CEP95: variants seen among roughly 807,000 people sequenced by gnomAD.
The protein encoded by CEP95 is centrosomal protein 95.
A neutral mutation model predicts 111.2 loss-of-function variants in CEP95; 98 were observed. The ratio of observed to expected loss-of-function variants is 0.88; its 90% CI spans 0.75 to 1.04. The LOEUF (loss-of-function observed/expected upper bound fraction) is 1.04. Ranked by LOEUF, CEP95 falls within the 50% of genes least tolerant of loss-of-function variation. The pLI, the probability that CEP95 is intolerant of heterozygous loss-of-function variation, is 0.00. For missense variants in CEP95, 1,027 were observed against 977.2 expected (o/e 1.05, Z -0.68); for synonymous variants, 323 against 327.1 (o/e 0.99, Z 0.14).
Position 64,525,776 on chromosome 17 carries a change from G to A in CEP95, c.916G>A (p.Asp306Asn), listed in dbSNP as rs782598205. 1.9e-6 allele frequency: 3 copies of A among 1,600,866 alleles called. No individual in the cohort carries two copies. The highest frequency in any genetic ancestry group is 2.2e-5 in the East Asian group (1 of 44,678). Residue 306 changes from aspartate to asparagine, a missense_variant, in exon 9 of 20, where the codon GAT becomes AAT. By Grantham distance (23) the Asp-to-Asn change is conservative. Coordinates refer to ENST00000556440, the MANE Select transcript of CEP95 (RefSeq NM_138363.3). ...GEHTEFSGDL[D>N]DGLFLISKLP... ...TTTTTTCTGTTTTTAATAGGATCTA[G>A]ATGATGGACTTTTCTTAATTTCCAA...
In CEP95 at chr17:64,532,723, A is replaced by T. The variant is rs1185182401; in HGVS notation, c.1673-116A>T. The T allele has an allele frequency of 1.9e-5, 28 of 1,462,012 alleles. No homozygotes were observed. The East Asian group carries it at 6.7e-4, about 35-fold the overall frequency. The allele number at this position is 1,462,012 out of a possible 1,614,324, so 90.6% of individuals were successfully genotyped here. A position where few individuals can be genotyped will look rare whatever the true frequency, so the allele number is the denominator to read the frequency against. The stretch of plus-strand genomic sequence containing the variant: ...GCAAATTATTATAAGTACATTTAGA[A>T]TTGTTCTTTTCAGGATCAAAACCAC... On this transcript the variant is annotated intron_variant, in intron 14 of 19. Transcript: ENST00000556440.
intron 3 of CEP95, among the ~76,000 whole-genome samples, chr17:64,511,454 TCC>T (rs1224072268): frequency 2.0e-5 from 3 of 152,182 alleles, no homozygotes; most frequent in African/African-American, 7.2e-5. Flanking sequence ...GCGATATTTC[TCC>T]CATTTGCTTT....
intron 3 of CEP95, among the ~76,000 whole-genome samples, chr17:64,510,687 C>T (rs921146144): frequency 6.6e-6 from 1 of 152,314 alleles, no homozygotes; most frequent in East Asian, 1.9e-4. Context: ...GTAGCCGGGG[C>T]TACAGGTGTG....
At chr17:64,519,606 G>T (rs564386957) in intron 6 of CEP95, among the ~76,000 whole-genome samples, 170 bp downstream of exon 6, 1 of 152,138 alleles carries the variant, frequency 6.6e-6, no homozygotes, top group East Asian at 1.9e-4. Flanking sequence ...ATCTGAAGTC[G>T]CAGGCATATG....
intron 3 of CEP95, among the ~76,000 whole-genome samples, chr17:64,511,104 G>A (rs1555674773): frequency 6.6e-6 from 1 of 152,098 alleles, no homozygotes; most frequent in Non-Finnish European, 1.5e-5. Flanking sequence ...TACTTCACAA[G>A]GTAATAGAAT....
intron 5 of CEP95, among the ~76,000 whole-genome samples, chr17:64,518,774 A>G (rs1967081525): frequency 2.0e-5 from 3 of 151,782 alleles, no homozygotes; most frequent in Admixed American, 1.3e-4. Flanking sequence ...TCTGCCTCCC[A>G]GGTTCAAGCA....
intron 19 of CEP95, chr17:64,537,376 T>C: frequency 2.9e-6 from 4 of 1,400,038 alleles, no homozygotes; most frequent in Middle Eastern, 2.6e-4. Context: ...CCAAATGTAT[T>C]ATACCTGTAA....
intron 13 of CEP95, among the ~76,000 whole-genome samples, chr17:64,531,355 T>A (rs1394896952): frequency 6.6e-6 from 1 of 152,192 alleles, no homozygotes; most frequent in Non-Finnish European, 1.5e-5. Context: ...AGACAGAACA[T>A]CCTAGTTGGC....
At chr17:64,532,733 T>A in intron 14 of CEP95, 106 bp from the exon 15 acceptor site, 1 of 1,469,796 alleles carries the variant, frequency 6.8e-7, no homozygotes, top group African/African-American at 1.4e-5. Context: ...ATTGTTCTTT[T>A]CAGGATCAAA....
chr17:64,511,258 A>G (rs1319306730), intron 3 of CEP95, among the ~76,000 whole-genome samples: 2 of 152,198 alleles, frequency 1.3e-5, no homozygotes, highest in Non-Finnish European at 2.9e-5. Flanking sequence ...TGTCTGACCA[A>G]AATTTATTAG....
intron 8 of CEP95, among the ~76,000 whole-genome samples, chr17:64,523,532 G>T (rs545643412): frequency 6.6e-6 from 1 of 151,332 alleles, no homozygotes; most frequent in Non-Finnish European, 1.5e-5. Flanking sequence ...ACGCCACTGC[G>T]CTCCAGCCTG....
chr17:64,533,482 C>T (rs1429457479), intron 16 of CEP95, among the ~76,000 whole-genome samples: 2 of 152,062 alleles, frequency 1.3e-5, no homozygotes, highest in African/African-American at 4.8e-5. Flanking sequence ...TGGCATTTGC[C>T]TGTGGTCCCA....
At position 64,521,411 on chromosome 17, in the gene CEP95, G is replaced by A. The variant is rs1014522145; in HGVS notation, c.599G>A (p.Cys200Tyr). ...TFSLRSNGAQ[C>Y]PNEMLSKKAL... Reference sequence around the variant, plus strand: ...ATATTTTCTTTCCTAGGTGCTCAATGTCCTAATGAAATGCTGTCTAAAAAA... The same window carrying A: ...ATATTTTCTTTCCTAGGTGCTCAATATCCTAATGAAATGCTGTCTAAAAAA... Residue 200 changes from cysteine (C) to tyrosine (Y), a missense_variant, in exon 7 of 20, where the codon TGT becomes TAT. Coordinates refer to ENST00000556440, the MANE Select transcript of CEP95 (RefSeq NM_138363.3). The A allele has an allele frequency of 1.2e-6, 2 of 1,609,848 alleles. No homozygotes were observed. The highest frequency in any genetic ancestry group is 1.3e-5 in the African/African-American group (1 of 74,906).
At chr17:64,506,771 G>T (rs1255373854), upstream of CEP95, 5 of 515,014 alleles carry the variant, frequency 9.7e-6, no homozygotes, top group Non-Finnish European at 1.4e-5. Flanking sequence ...TGCGCTGCTC[G>T]CACCCCGGGA....
chr17:64,532,758 A>G (rs1209362283), intron 14 of CEP95, 81 bp from the exon 15 acceptor site: 3 of 1,505,920 alleles, frequency 2.0e-6, no homozygotes, highest in Non-Finnish European at 2.7e-6. Context: ...CATCACTTAC[A>G]TAAGCTTTGA....
At position 64,516,743 on chromosome 17, in the gene CEP95, A is replaced by G. The variant is rs781936805; in HGVS notation, c.388A>G (p.Lys130Glu). The G allele has an allele frequency of 5.0e-5, 80 of 1,609,360 alleles. No homozygotes were observed. The highest frequency in any genetic ancestry group is 6.6e-5 in the Non-Finnish European group (78 of 1,175,920). The change falls in exon 5 of 20, where the codon AAA (lysine) becomes GAA (glutamate). Residue 130 changes from lysine (K) to glutamate (E), a missense_variant. Lys to Glu is a moderately conservative substitution (Grantham distance 56). Coordinates refer to ENST00000556440, the MANE Select transcript of CEP95 (RefSeq NM_138363.3). The part of the protein sequence containing the change: ...HEKSETEQYF[K>E]ESDRGERLEE... ...AACAGGTGAAACTGAACAGTATTTT[A>G]AAGAATCTGATCGAGGAGAACGTTT...
chr17:64,526,525 A>G (rs1967836515), intron 10 of CEP95, among the ~76,000 whole-genome samples: 1 of 152,218 alleles, frequency 6.6e-6, no homozygotes, highest in Admixed American at 6.5e-5. Flanking sequence ...CTGGTATAAA[A>G]TTGGATGGAT....
Position 64,537,613 on chromosome 17 carries a change from A to AG in CEP95, c.2302dup (p.Val768GlyfsTer8). 2 of 1,603,282 alleles carry AG rather than the reference A, an allele frequency of 1.2e-6. No homozygotes were observed. Among genetic ancestry groups the AG allele is most frequent in the Non-Finnish European group, 1.7e-6 (2 of 1,173,212 alleles). On this transcript the variant is annotated frameshift_variant, in exon 20 of 20. Coordinates refer to ENST00000556440, the MANE Select transcript of CEP95 (RefSeq NM_138363.3). LOFTEE classifies it high-confidence loss of function. ...GCCTTCTTTTTTCAGACATTACATA[A>AG]GGTGAAGAGGGAGCTGAGATCTAAG...
intron 8 of CEP95, among the ~76,000 whole-genome samples, chr17:64,524,968 C>CA (rs137962580): frequency 0.038 from 5,698 of 151,568 alleles, 371 homozygotes; most frequent in African/African-American, 0.13. Flanking sequence ...GACCCCATCT[C>CA]AAAAAACAAA....
Sources: gnomAD v4.1 joint callset for allele counts (sites outside exome capture counted in the v4.1 genomes callset) on GRCh38, gnomAD v4.1.1 for gene constraint, MANE v1.5 for transcripts, NCBI Gene and HGNC (gene_info 2026-07-23, HGNC 2026-07-21) for gene names.